The following BBX variants were observed in gnomAD, a reference collection of about 807,000 sequenced individuals.
The protein encoded by BBX is BBX high mobility group box domain containing, also known as HMG box transcription factor BBX.
A neutral mutation model predicts 100.2 loss-of-function variants in BBX; 30 were observed. The observed-to-expected ratio is 0.30, with a 90% CI of 0.22 to 0.41. The LOEUF is 0.41. Ranked by LOEUF, BBX falls within the 10% of genes least tolerant of loss-of-function variation. The probability of loss-of-function intolerance (pLI) is 1.00; values close to 1 mark genes in which losing one functional copy is unlikely to be tolerated. For synonymous variants in BBX, 376 were observed against 388.1 expected (o/e 0.97, Z 0.37); for missense variants, 1,023 against 1,129.8 (o/e 0.91, Z 1.35).
chr3:107,726,570 T>A (rs1231622264), intron 5 of BBX, among the ~76,000 whole-genome samples: 1 of 152,086 alleles, frequency 6.6e-6, no homozygotes, highest in East Asian at 1.9e-4. Context: ...CATAGTAAAT[T>A]CTGTTATTGT....
At chr3:107,587,784 G>A (rs762528711) in intron 2 of BBX, among the ~76,000 whole-genome samples, 2 of 152,184 alleles carry the variant, frequency 1.3e-5, no homozygotes, top group Non-Finnish European at 2.9e-5. Context: ...GTCTGGTTGA[G>A]GGAGGTAAAA....
chr3:107,620,747 C>A (rs937961194), intron 2 of BBX, among the ~76,000 whole-genome samples: 21 of 152,134 alleles, frequency 1.4e-4, no homozygotes, highest in Non-Finnish European at 1.5e-4. Flanking sequence ...TATACATGGC[C>A]TTTACTGATA....
intron 3 of BBX, among the ~76,000 whole-genome samples, chr3:107,681,954 A>G (rs549336314): frequency 7.9e-5 from 12 of 152,160 alleles, no homozygotes; most frequent in Non-Finnish European, 1.3e-4. Flanking sequence ...CACCAAAAGC[A>G]TGTTTTCAGC....
At chr3:107,778,232 T>A (rs2067486906) in intron 12 of BBX, 139 bp from the exon 13 acceptor site, 3 of 1,040,564 alleles carry the variant, frequency 2.9e-6, no homozygotes. Context: ...GAAAAGGTGT[T>A]TTTTTCCTTG....
At chr3:107,725,380 C>G (rs1281576554) in intron 5 of BBX, among the ~76,000 whole-genome samples, 1 of 151,892 alleles carries the variant, frequency 6.6e-6, no homozygotes, top group Non-Finnish European at 1.5e-5. Context: ...TTCCTCTTTT[C>G]CTAATTGAAT....
chr3:107,744,581 AAC>A, intron 7 of BBX, 47 bp from the exon 8 acceptor site: 1 of 1,430,116 alleles, frequency 7.0e-7, no homozygotes, highest in Non-Finnish European at 9.8e-7. Context: ...ATGTTTACCT[AAC>A]ACAGTAAATA....
chr3:107,643,409 G>C (rs1443782251), intron 2 of BBX, among the ~76,000 whole-genome samples: 1 of 152,070 alleles, frequency 6.6e-6, no homozygotes, highest in Non-Finnish European at 1.5e-5. Context: ...AGGACTGGGA[G>C]GGGGGTGTGC....
At chr3:107,723,782 T>G (rs561194194) in intron 5 of BBX, among the ~76,000 whole-genome samples, 1 of 152,298 alleles carries the variant, frequency 6.6e-6, no homozygotes, top group African/African-American at 2.4e-5. Context: ...GGTGTATATG[T>G]GCCACATTTT....
At chr3:107,774,491 C>A (rs1458857622) in intron 11 of BBX, among the ~76,000 whole-genome samples, 1 of 152,124 alleles carries the variant, frequency 6.6e-6, no homozygotes. Context: ...TCATGTGATA[C>A]CTGTTGAATT....
At chr3:107,790,014 T>C in intron 14 of BBX, 138 bp downstream of exon 14, 1 of 581,202 alleles carries the variant, frequency 1.7e-6, no homozygotes, top group South Asian at 3.4e-5. Flanking sequence ...CTGACGCGGG[T>C]GTTCTCATTC....
chr3:107,576,394 T>TG (rs2051773926), intron 2 of BBX, among the ~76,000 whole-genome samples: 1 of 152,350 alleles, frequency 6.6e-6, no homozygotes, highest in East Asian at 1.9e-4. Flanking sequence ...AATGAATAAC[T>TG]GGCTTTTTTT....
chr3:107,583,889 T>A (rs941433758), intron 2 of BBX, among the ~76,000 whole-genome samples: 1 of 127,750 alleles, frequency 7.8e-6, no homozygotes, highest in African/African-American at 3.0e-5. Context: ...TTATATATAT[T>A]ATATATAAAG....
At chr3:107,633,905 C>T (rs1209020594) in intron 2 of BBX, among the ~76,000 whole-genome samples, 1 of 152,190 alleles carries the variant, frequency 6.6e-6, no homozygotes, top group Non-Finnish European at 1.5e-5. Context: ...GGTTTCTTAG[C>T]CCCTCTTCAT....
intron 2 of BBX, among the ~76,000 whole-genome samples, chr3:107,537,358 C>G (rs947282751): frequency 6.6e-6 from 1 of 152,126 alleles, no homozygotes; most frequent in Non-Finnish European, 1.5e-5. Context: ...TAAGTTTGAG[C>G]TAGATGTACA....
chr3:107,590,575 G>C (rs1184736484), intron 2 of BBX, among the ~76,000 whole-genome samples: 1 of 152,120 alleles, frequency 6.6e-6, no homozygotes, highest in African/African-American at 2.4e-5. Flanking sequence ...TAAGATCCTT[G>C]TTTAGCTCCC....
intron 2 of BBX, among the ~76,000 whole-genome samples, chr3:107,537,350 A>G (rs1366730121): frequency 2.0e-5 from 3 of 152,232 alleles, no homozygotes; most frequent in Non-Finnish European, 4.4e-5. Flanking sequence ...ATAGATAGTA[A>G]GTTTGAGCTA....
chr3:107,615,480 A>G (rs1206497314), intron 2 of BBX, among the ~76,000 whole-genome samples: 1 of 152,120 alleles, frequency 6.6e-6, no homozygotes, highest in Non-Finnish European at 1.5e-5. Flanking sequence ...TACATTGTAG[A>G]AAGAGCAAGG....
At position 107,571,514 on chromosome 3, in the gene BBX, G is replaced by A. The variant is rs138919873; in HGVS notation, c.-84+45116G>A. Among the ~76,000 whole-genome samples the A allele has an allele frequency of 4.9e-3, 753 of 152,266 alleles. 5 individuals are homozygous for A. Among genetic ancestry groups the A allele is most frequent in the East Asian group, 0.027 (139 of 5,174 alleles). ...GGGAGATTGAAGGGTAGTGAGAGAG[G>A]GAGATTGAAGGGTAGCGAGAGAGGC... On this transcript the variant is annotated intron_variant, in intron 2 of 17. Transcript: ENST00000325805.
rs1171450010 is a variant in BBX, at chr3:107,773,280, G to A, written c.1559G>A (p.Ser520Asn). The A allele has an allele frequency of 1.9e-6, 3 of 1,614,088 alleles. No homozygotes were observed. Among genetic ancestry groups the A allele is most frequent in the South Asian group, 1.1e-5 (1 of 91,080 alleles). ...KVRTSSSGKG[S>N]ILDAKPPKKK... is the part of the protein sequence containing the mutation. ...CGCACATCCTCAAGTGGCAAGGGAA[G>A]CATTTTGGATGCCAAGCCACCAAAG... Residue 520 changes from serine (S) to asparagine (N), a missense_variant, in exon 11 of 18, where the codon AGC (serine) becomes AAC (asparagine). Around this residue, in one of 9 missense-constraint regions of BBX, gnomAD observed 348 missense variants for 353.2 expected, o/e 0.99. Coordinates refer to ENST00000325805, the MANE Select transcript of BBX (RefSeq NM_001142568.3). The surrounding 1 kb of genome is among the most constrained non-coding windows in gnomAD (Gnocchi z 4.1).
Sources: gnomAD v4.1 joint callset for allele counts (sites outside exome capture counted in the v4.1 genomes callset) on GRCh38, gnomAD v4.1.1 for gene constraint, gnomAD v4.1.1 regional missense constraint, Gnocchi (gnomAD v3.1) non-coding constraint, MANE v1.5 for transcripts, NCBI Gene and HGNC (gene_info 2026-07-23, HGNC 2026-07-21) for gene names.